ZNF75A: variants seen among roughly 807,000 people sequenced by gnomAD.
ZNF75A encodes zinc finger protein 75A.
ZNF75A carries 36 observed loss-of-function variants against 46.3 expected under a neutral mutation model. The observed-to-expected ratio is 0.78, with a 90% CI of 0.60 to 1.03. ZNF75A has a LOEUF of 1.03. Among genes scored for constraint, ZNF75A ranks in the 50% least tolerant of loss-of-function variants. The pLI, the probability that ZNF75A is intolerant of heterozygous loss-of-function variation, is 0.00. For synonymous variants in ZNF75A, 234 were observed against 189.9 expected, an observed-to-expected ratio of 1.23 and a Z score of -1.91; for missense variants, 595 against 551.3, an observed-to-expected ratio of 1.08 and a Z score of -0.79.
At position 3,317,361 on chromosome 16, in the gene ZNF75A, A is replaced by AT. The variant is rs1180158302; in HGVS notation, c.1110dup (p.Pro371SerfsTer33). ...CACAGAGTGGGAAAATGGCACCAAG[A>AT]TTTTCCAGTGAAGAAAAGAAAGAAA... On this transcript the variant is annotated frameshift_variant, in exon 7 of 7. Coordinates refer to ENST00000669516, the MANE Select transcript of ZNF75A (RefSeq NM_001302109.2). LOFTEE classifies it high-confidence loss of function. 6.2e-7 allele frequency: 1 copy of AT among 1,614,144 alleles called. No individual in the cohort carries two copies. The highest frequency in any genetic ancestry group is 1.1e-5 in the South Asian group (1 of 91,084).
chr16:3,312,789 G>GT, intron 4 of ZNF75A, 21 bp downstream of exon 4: 1 of 1,120,042 alleles, frequency 8.9e-7, no homozygotes, highest in Non-Finnish European at 1.1e-6. Flanking sequence ...CTTTCCAGCT[G>GT]TTGAGGGCTA....
chr16:3,309,197 C>T (rs1183058620), intron 2 of ZNF75A: 3 of 152,336 alleles, frequency 2.0e-5, no homozygotes, highest in Non-Finnish European at 1.5e-5. Flanking sequence ...TGGCTCACAC[C>T]TGTAATCTCA....
At chr16:3,313,585 ATCT>A (rs1182958790) in intron 5 of ZNF75A, among the ~76,000 whole-genome samples, 2 of 152,158 alleles carry the variant, frequency 1.3e-5, no homozygotes, top group African/African-American at 2.4e-5. Flanking sequence ...ACAATGTCTC[ATCT>A]TCTTGCACTG....
chr16:3,317,101 C>CT (rs968750057), intron 6 of ZNF75A, 79 bp downstream of exon 6: 4,166 of 1,305,176 alleles, frequency 3.2e-3, no homozygotes, highest in Non-Finnish European at 3.7e-3. Context: ...GATTTTGTTC[C>CT]TTTTTTTTTT....
downstream of ZNF75A, among the ~76,000 whole-genome samples, chr16:3,319,913 C>G (rs1276613319): frequency 6.6e-6 from 1 of 152,010 alleles, no homozygotes; most frequent in Non-Finnish European, 1.5e-5. Context: ...AACACTGAGC[C>G]ACTGCATGGA....
chr16:3,308,065 T>C (rs1210209246), intron 1 of ZNF75A: 3 of 152,188 alleles, frequency 2.0e-5, no homozygotes, highest in Non-Finnish European at 4.4e-5. Flanking sequence ...GGGTGCCAAT[T>C]TTCTTACCCA....
chr16:3,315,188 GTTT>G (rs1330115244), intron 5 of ZNF75A: 934 of 228,984 alleles, frequency 4.1e-3, no homozygotes, highest in Non-Finnish European at 5.4e-3. Context: ...GTACTGTCAT[GTTT>G]TTTTTTTTTT....
Position 3,318,026 on chromosome 16 carries a change from C to A in ZNF75A, c.*157C>A. The A allele has an allele frequency of 7.1e-7, 1 of 1,416,522 alleles. No homozygotes were observed. Among genetic ancestry groups the A allele is most frequent in the Non-Finnish European group, 9.2e-7 (1 of 1,092,218 alleles). The allele number at this position is 1,416,522 out of a possible 1,614,324, so 87.7% of individuals were successfully genotyped here. ...CAGAAAATAATCAAGACTTGCTCTG[C>A]AGCCACTCAGTAGTCTTCTGTGGTC... On this transcript the variant is annotated 3_prime_UTR_variant, in exon 7 of 7. Transcript: ENST00000669516.
downstream of ZNF75A, among the ~76,000 whole-genome samples, chr16:3,319,538 C>G (rs1186485357): frequency 6.6e-6 from 1 of 152,190 alleles, no homozygotes; most frequent in African/African-American, 2.4e-5. Flanking sequence ...GTGTGGCTTT[C>G]TTTCTGGCCC....
At chr16:3,307,547 T>G (rs779557761) in intron 1 of ZNF75A, 12 of 152,172 alleles carry the variant, frequency 7.9e-5, no homozygotes, top group Non-Finnish European at 1.2e-4. Flanking sequence ...AGACAAAGTC[T>G]TGCTCTAACT....
At chr16:3,306,854 C>G (rs1960301252) in intron 1 of ZNF75A, 1 of 152,188 alleles carries the variant, frequency 6.6e-6, no homozygotes, top group Admixed American at 6.5e-5. Context: ...ACCCCCTCCC[C>G]CCACTGTATC....
At chr16:3,320,020 T>C (rs977706483), downstream of ZNF75A, among the ~76,000 whole-genome samples, 1 of 152,098 alleles carries the variant, frequency 6.6e-6, no homozygotes, top group Non-Finnish European at 1.5e-5. Context: ...ATTGGTGCTA[T>C]GTGTTTCTGT....
chr16:3,314,585 G>A (rs1016026754), intron 5 of ZNF75A, among the ~76,000 whole-genome samples: 1 of 152,150 alleles, frequency 6.6e-6, no homozygotes, highest in Non-Finnish European at 1.5e-5. Flanking sequence ...TGATCCCTTG[G>A]CTCCTTTTCT....
intron 2 of ZNF75A, 123 bp from the exon 3 acceptor site, chr16:3,311,630 T>C (rs1305478132): frequency 3.1e-6 from 1 of 320,996 alleles, no homozygotes; most frequent in South Asian, 1.3e-4. Context: ...TTTAAGCCTT[T>C]TTTTGTCATT....
At chr16:3,313,213 C>T (rs1226422168) in intron 5 of ZNF75A, 38 bp downstream of exon 5, 2 of 1,595,596 alleles carry the variant, frequency 1.3e-6, no homozygotes, top group East Asian at 4.5e-5. Flanking sequence ...GTTGAGTACT[C>T]TATTCTTGGC....
At chr16:3,315,519 C>G (rs1029698988) in intron 5 of ZNF75A, among the ~76,000 whole-genome samples, 1 of 152,088 alleles carries the variant, frequency 6.6e-6, no homozygotes, top group African/African-American at 2.4e-5. Context: ...TTACCCTGAT[C>G]TTGCCATCAT....
At position 3,317,548 on chromosome 16, in the gene ZNF75A, A is replaced by G. The variant is rs1463872107; in HGVS notation, c.1293A>G (p.Lys431=). 3 of 1,614,138 alleles carry G rather than the reference A, an allele frequency of 1.9e-6. No homozygotes were observed. The highest frequency in any genetic ancestry group is 3.3e-5 in the Admixed American group (2 of 60,020). Reference sequence around the variant, plus strand: ...TTCACACTGAAGAGAAACCCTATAAATGTCAACAGTGTGATAAGAGGTTTA... The same window carrying G: ...TTCACACTGAAGAGAAACCCTATAAGTGTCAACAGTGTGATAAGAGGTTTA... The part of the protein sequence containing the change: ...QRIHTEEKPY[K]CQQCDKRFRW... Residue 431 remains lysine, a synonymous_variant, in exon 7 of 7, where the codon AAA becomes AAG. Coordinates refer to ENST00000669516, the MANE Select transcript of ZNF75A (RefSeq NM_001302109.2).
intron 4 of ZNF75A, 105 bp downstream of exon 4, chr16:3,312,873 G>T: frequency 8.6e-7 from 1 of 1,163,902 alleles, no homozygotes; most frequent in Non-Finnish European, 1.2e-6. Flanking sequence ...TGTTCTCTGG[G>T]CAACTGGGTA....
chr16:3,317,146 G>T lies in ZNF75A; in HGVS notation c.935-44G>T, dbSNP rs754361146. 4.5e-6 allele frequency: 7 copies of T among 1,549,210 alleles called. No individual in the cohort carries two copies. In the Admixed American group the frequency reaches 1.2e-4, roughly 27 times the overall value. On this transcript the variant is annotated intron_variant, in intron 6 of 6. Transcript: ENST00000669516. ...ATTTTTCTTTTTATTCCTGTGATTT[G>T]CTTGTTCTGGGATACAGATGTGTGA...
Sources: allele counts gnomAD v4.1 joint callset (sites outside exome capture counted in the v4.1 genomes callset), GRCh38; gene constraint gnomAD v4.1.1; transcripts MANE v1.5; gene names NCBI Gene and HGNC (gene_info 2026-07-23, HGNC 2026-07-21).